Variants in EXD3 observed in about 807,000 individuals in gnomAD.
The protein encoded by EXD3 is exonuclease 3'-5' domain containing 3, also known as exonuclease mut-7 homolog.
A neutral mutation model predicts 98.0 loss-of-function variants in EXD3; 92 were observed. The ratio of observed to expected loss-of-function variants is 0.94; its 90% CI spans 0.79 to 1.12. The LOEUF (loss-of-function observed/expected upper bound fraction) is 1.12, where lower values mean the gene tolerates loss of function less well. EXD3 is among the 50% of genes most tolerant of loss of function. The pLI is 0.00. For missense variants in EXD3, 1,222 were observed against 1,191.6 expected (o/e 1.03, Z -0.38); for synonymous variants, 569 against 526.0 (o/e 1.08, Z -1.12).
intron 11 of EXD3, 110 bp from the exon 12 acceptor site, chr9:137,352,311 C>A: frequency 7.0e-7 from 1 of 1,437,678 alleles, no homozygotes. Context: ...CATCTCAGGT[C>A]CTGGCTCCTC....
intron 17 of EXD3, among the ~76,000 whole-genome samples, chr9:137,328,982 A>AG (rs1478381041): frequency 0.36 from 819 of 2,304 alleles, 101 homozygotes; most frequent in East Asian, 0.56. Flanking sequence ...GCTACACGGG[A>AG]CTACACGGGG....
rs918440744 is a variant in EXD3 at position 137,383,490 on chromosome 9, C to CG, written c.56-114dup. On this transcript the variant is annotated intron_variant, in intron 2 of 21. Coordinates refer to ENST00000340951, the MANE Select transcript of EXD3 (RefSeq NM_017820.5). ...GCAATGCCTGGGGCTCCTCTGGACC[C>CG]GGGGGGCCGGGAACCCTCCCCCACC... 6 of 751,236 alleles carry CG rather than the reference C, an allele frequency of 8.0e-6. No individual in the cohort carries two copies. In the Admixed American group the frequency reaches 8.9e-5, roughly 11 times the overall value. The allele number at this position is 751,236 out of a possible 1,614,324, so 46.5% of individuals were successfully genotyped here.
chr9:137,411,723 G>GCGGGGGAGGGGGAGGGGGA (rs1469269068), intron 1 of EXD3, among the ~76,000 whole-genome samples: 1 of 136,966 alleles, frequency 7.3e-6, no homozygotes, highest in Non-Finnish European at 1.6e-5. Context: ...AGGGGGATGG[G>GCGGGGGAGGGGGAGGGGGA]TGGGGGAGGG....
At chr9:137,374,885 G>A in intron 3 of EXD3, 1 of 984,366 alleles carries the variant, frequency 1.0e-6, no homozygotes, top group Non-Finnish European at 1.2e-6. Flanking sequence ...TAACTCTAGT[G>A]AGTCCTGGCC....
At chr9:137,316,095 C>A (rs1316413533) in intron 19 of EXD3, among the ~76,000 whole-genome samples, 3 of 137,002 alleles carry the variant, frequency 2.2e-5, no homozygotes, top group Admixed American at 2.1e-4. Context: ...CGGCCCCCCC[C>A]AGCCTCGGCG....
At position 137,307,621 on chromosome 9, in the gene EXD3, C is replaced by T. The variant is rs372758374; in HGVS notation, c.2304G>A (p.Ala768=). The T allele has an allele frequency of 1.3e-4, 203 of 1,610,262 alleles. No individual in the cohort carries two copies. In the African/African-American group the frequency reaches 1.9e-3, roughly 15 times the overall value. Residue 768 remains alanine, a synonymous_variant, in exon 21 of 22, where the codon GCG becomes GCA. Coordinates refer to ENST00000340951, the MANE Select transcript of EXD3 (RefSeq NM_017820.5). ...CCCGGGGCTCACCTGGCTCCTGCAC[C>T]GCCTGGCTCTGGGTGGCCTCGTCAC... ...SSGDEATQSQ[A]VQEPGPAPDA... is the part of the protein sequence containing the mutation.
At chr9:137,350,077 C>T in intron 14 of EXD3, among the ~76,000 whole-genome samples, 1 of 66,946 alleles carries the variant, frequency 1.5e-5, no homozygotes, top group Non-Finnish European at 2.8e-5. Flanking sequence ...GGGTGGGGAT[C>T]ACGAGGAGGG....
chr9:137,348,358 A>G, intron 16 of EXD3, 120 bp from the exon 17 acceptor site: 3 of 1,171,882 alleles, frequency 2.6e-6, no homozygotes, highest in Non-Finnish European at 3.5e-6. Context: ...TTCAAAAGAT[A>G]AAACTGTGTG....
intron 1 of EXD3, among the ~76,000 whole-genome samples, chr9:137,415,131 G>A (rs776959822): frequency 5.9e-5 from 9 of 151,632 alleles, no homozygotes; most frequent in African/African-American, 1.9e-4. Context: ...CAAGCAATCC[G>A]CCCACCTCGG....
At chr9:137,330,583 A>AG (rs112614668) in intron 17 of EXD3, among the ~76,000 whole-genome samples, 3 of 110,756 alleles carry the variant, frequency 2.7e-5, no homozygotes, top group Admixed American at 8.3e-5. Context: ...GCTACACAGG[A>AG]CTACACAGGA....
chr9:137,355,499 A>AGGAGAAAG (rs1834629271), intron 8 of EXD3, among the ~76,000 whole-genome samples: 1 of 27,724 alleles, frequency 3.6e-5, no homozygotes, highest in African/African-American at 1.0e-4. Flanking sequence ...GGATGGAGGA[A>AGGAGAAAG]GGAGGAAGGA....
intron 1 of EXD3, among the ~76,000 whole-genome samples, chr9:137,413,416 G>A (rs1026968066): frequency 1.3e-5 from 2 of 151,772 alleles, no homozygotes; most frequent in Non-Finnish European, 2.9e-5. Flanking sequence ...TAGCCAGGAT[G>A]GTCTTGATCT....
chr9:137,418,650 A>G (rs1214750002), intron 1 of EXD3, among the ~76,000 whole-genome samples: 3 of 152,242 alleles, frequency 2.0e-5, no homozygotes, highest in Admixed American at 6.5e-5. Context: ...ACTACTAAAT[A>G]TAAGAGAAAC....
intron 19 of EXD3, among the ~76,000 whole-genome samples, chr9:137,320,940 CG>C (rs1831998986): frequency 6.6e-6 from 1 of 152,216 alleles, no homozygotes; most frequent in South Asian, 2.1e-4. Flanking sequence ...AGGCAGCGGA[CG>C]CGGTTCCTGC....
At chr9:137,406,341 G>A (rs908871106) in intron 1 of EXD3, among the ~76,000 whole-genome samples, 1 of 150,022 alleles carries the variant, frequency 6.7e-6, no homozygotes, top group African/African-American at 2.4e-5. Flanking sequence ...AAAGAAAAAT[G>A]AGGCCCCTGC....
chr9:137,309,521 C>T (rs566958385), intron 20 of EXD3, 86 bp downstream of exon 20: 116 of 1,120,058 alleles, frequency 1.0e-4, no homozygotes, highest in Middle Eastern at 5.5e-4. Context: ...CAGTGCTGGA[C>T]GGGCCAGGCC....
chr9:137,394,672 T>A (rs1167267127), intron 2 of EXD3, among the ~76,000 whole-genome samples: 1 of 150,444 alleles, frequency 6.6e-6, no homozygotes, highest in Non-Finnish European at 1.5e-5. Context: ...GGGCTGTTTA[T>A]CCTCAGCACT....
intron 1 of EXD3, among the ~76,000 whole-genome samples, chr9:137,416,460 C>T (rs1275077463): frequency 6.6e-6 from 1 of 152,276 alleles, no homozygotes; most frequent in Non-Finnish European, 1.5e-5. Context: ...AGCCCACCGC[C>T]TCACCTCCCA....
Position 137,385,560 on chromosome 9 carries a change from C to T in EXD3, c.56-2183G>A, listed in dbSNP as rs547117295. 7.2e-5 allele frequency among the ~76,000 whole-genome samples: 11 copies of T among 152,250 alleles called. No homozygotes were observed. The highest frequency in any genetic ancestry group is 6.3e-4 in the South Asian group (3 of 4,782). On this transcript the variant is annotated intron_variant, in intron 2 of 21. Coordinates refer to ENST00000340951, the MANE Select transcript of EXD3 (RefSeq NM_017820.5). This position sits in a 1 kb window ranked among gnomAD's most constrained non-coding sequence, Gnocchi z 4.4. ...TTTAAGTTAATATTTTATTTAGAGA[C>T]GGAGTCTCACTGTCACCCAGGCTGG...
Sources: gnomAD v4.1 joint callset for allele counts (sites outside exome capture counted in the v4.1 genomes callset) on GRCh38, gnomAD v4.1.1 for gene constraint, Gnocchi (gnomAD v3.1) non-coding constraint, MANE v1.5 for transcripts, NCBI Gene and HGNC (gene_info 2026-07-23, HGNC 2026-07-21) for gene names.